SLC41A3: variants seen among roughly 807,000 people sequenced by gnomAD.
SLC41A3 encodes the protein SLC41A1-like 2.
Under a neutral mutation model 45.4 loss-of-function variants are expected in SLC41A3, and 44 were observed. The observed-to-expected ratio is 0.97, with a 90% CI of 0.76 to 1.25. The LOEUF (loss-of-function observed/expected upper bound fraction) is 1.25, where lower values mean the gene tolerates loss of function less well. SLC41A3 is among the 50% of genes most tolerant of loss of function. The probability of loss-of-function intolerance (pLI) is 0.00; values close to 1 mark genes in which losing one functional copy is unlikely to be tolerated. For synonymous variants in SLC41A3, 256 were observed against 252.4 expected, an observed-to-expected ratio of 1.01 and a Z score of -0.13; for missense variants, 550 against 600.6, an observed-to-expected ratio of 0.92 and a Z score of 0.88.
chr3:126,056,279 C>T (rs1387789857), intron 2 of SLC41A3: 3 of 1,541,158 alleles, frequency 1.9e-6, no homozygotes, highest in Non-Finnish European at 2.6e-6. Flanking sequence ...CTCATGTCTC[C>T]AGCCTGCCCT....
chr3:126,067,818 A>AG, intron 2 of SLC41A3, 129 bp downstream of exon 2: 1 of 1,051,160 alleles, frequency 9.5e-7, no homozygotes, highest in Non-Finnish European at 1.3e-6. Flanking sequence ...CCCAATATAT[A>AG]GAAAAAAAAA....
At position 126,098,177 on chromosome 3, in the gene SLC41A3, AC is replaced by A. The variant is rs1280952645; in HGVS notation, c.-79+3251del. On this transcript the variant is annotated intron_variant, in intron 1 of 9. Coordinates refer to the SLC41A3 transcript ENST00000508835. ...TGTTGAATTGCTAGCCCCCAATGTG[AC>A]TCTATGTGGAGATAGGGCTTATCAG... Among the ~76,000 whole-genome samples, 9 of 152,290 alleles carry A rather than the reference AC, an allele frequency of 5.9e-5. No individual in the cohort carries two copies. In the East Asian group the frequency reaches 1.7e-3, roughly 29 times the overall value.
chr3:126,085,586 G>A (rs1204595225), upstream of SLC41A3: 1 of 152,206 alleles, frequency 6.6e-6, no homozygotes, highest in Non-Finnish European at 1.5e-5. Context: ...CTCCTAGGAA[G>A]TTGTTGTTTA....
intron 1 of SLC41A3, among the ~76,000 whole-genome samples, chr3:126,098,686 A>G (rs942376438): frequency 2.6e-5 from 4 of 152,334 alleles, no homozygotes; most frequent in African/African-American, 9.6e-5. Flanking sequence ...ACCTTCCCTC[A>G]TGACTGTTCC....
At chr3:126,060,217 G>A (rs1486985620) in intron 2 of SLC41A3, among the ~76,000 whole-genome samples, 5 of 152,128 alleles carry the variant, frequency 3.3e-5, no homozygotes, top group Non-Finnish European at 4.4e-5. Flanking sequence ...TCGGGAGTTC[G>A]AGACCAGCCT....
chr3:126,014,697 G>A (rs371203836), intron 8 of SLC41A3, among the ~76,000 whole-genome samples: 11 of 152,250 alleles, frequency 7.2e-5, no homozygotes, highest in Non-Finnish European at 1.2e-4. Flanking sequence ...CTGTGGACAC[G>A]CAGGGGCTGC....
At chr3:126,067,320 T>C (rs1944402075) in intron 2 of SLC41A3, among the ~76,000 whole-genome samples, 1 of 152,204 alleles carries the variant, frequency 6.6e-6, no homozygotes, top group African/African-American at 2.4e-5. Context: ...AATTCGTATG[T>C]TGAAGTCCTA....
chr3:126,050,672 C>T (rs766671929), intron 3 of SLC41A3, among the ~76,000 whole-genome samples: 46 of 151,790 alleles, frequency 3.0e-4, no homozygotes, highest in Admixed American at 5.3e-4. Flanking sequence ...TGTGCAGACT[C>T]GGGGCACAAG....
At chr3:126,039,146 C>G (rs921631741) in intron 3 of SLC41A3, among the ~76,000 whole-genome samples, 7 of 152,190 alleles carry the variant, frequency 4.6e-5, no homozygotes, top group African/African-American at 9.7e-5. Flanking sequence ...CCAAATAAAC[C>G]TCTTTTCTTT....
At chr3:126,022,421 A>G (rs1940964986) in intron 6 of SLC41A3, among the ~76,000 whole-genome samples, 1 of 152,206 alleles carries the variant, frequency 6.6e-6, no homozygotes, top group Admixed American at 6.5e-5. Context: ...GTCGAGGGGC[A>G]GCATTTGGTG....
At chr3:126,097,307 A>T (rs929581731) in intron 1 of SLC41A3, among the ~76,000 whole-genome samples, 2 of 152,170 alleles carry the variant, frequency 1.3e-5, no homozygotes, top group African/African-American at 4.8e-5. Context: ...CTTAACATGC[A>T]TGCCCAGGAA....
intron 1 of SLC41A3, among the ~76,000 whole-genome samples, chr3:126,079,373 G>C (rs943204911): frequency 6.6e-6 from 1 of 151,946 alleles, no homozygotes; most frequent in Non-Finnish European, 1.5e-5. Context: ...ATATTCTGTA[G>C]GACAAAACTT....
At chr3:126,015,709 C>G in intron 7 of SLC41A3, 136 bp from the exon 8 acceptor site, 1 of 790,512 alleles carries the variant, frequency 1.3e-6, no homozygotes. Flanking sequence ...CACAAAATAT[C>G]TGCTGCGGCC....
At position 126,008,759 on chromosome 3, in the gene SLC41A3, C is replaced by G. The variant is rs143361027; in HGVS notation, c.1227G>C (p.Val409=). 7 of 1,613,932 alleles carry G rather than the reference C, an allele frequency of 4.3e-6. No homozygotes were observed. In the African/African-American group the frequency reaches 6.7e-5, roughly 15 times the overall value. ...GGATCAGGCCTGCCAGCAGGTAGAG[C>G]ACCACAAAGGTCTGGCTGTTTATGA... The part of the protein sequence containing the change: ...QSVINSQTFV[V]LYLLAGLIQV... Residue 409 remains valine (V), a synonymous_variant, in exon 10 of 11, where the codon GTG becomes GTC. Transcript: ENST00000360370.
At chr3:126,010,550 T>C (rs1939600280) in intron 9 of SLC41A3, among the ~76,000 whole-genome samples, 1 of 152,214 alleles carries the variant, frequency 6.6e-6, no homozygotes, top group Non-Finnish European at 1.5e-5. Context: ...CAGACAACTT[T>C]CAGACAATAA....
intron 4 of SLC41A3, among the ~76,000 whole-genome samples, chr3:126,031,810 T>C (rs1377582570): frequency 1.3e-5 from 2 of 152,214 alleles, no homozygotes; most frequent in African/African-American, 4.8e-5. Context: ...AGGCATTTAT[T>C]ACCTGCCCCT....
intron 9 of SLC41A3, among the ~76,000 whole-genome samples, chr3:126,011,508 A>G (rs1324613818): frequency 1.3e-5 from 2 of 152,178 alleles, no homozygotes; most frequent in Non-Finnish European, 2.9e-5. Context: ...TATCAAAAAG[A>G]AGGAGAGTGC....
chr3:126,077,947 T>C (rs1421460669), intron 1 of SLC41A3, among the ~76,000 whole-genome samples: 1 of 152,060 alleles, frequency 6.6e-6, no homozygotes, highest in African/African-American at 2.4e-5. Flanking sequence ...GCAGGAACGG[T>C]GCCCCTCATC....
intron 2 of SLC41A3, chr3:126,057,219 T>TG: frequency 2.1e-6 from 2 of 957,340 alleles, no homozygotes; most frequent in Non-Finnish European, 2.5e-6. Flanking sequence ...AGGGGGTTCA[T>TG]GGCCACAGGA....
Sources: allele counts gnomAD v4.1 joint callset (sites outside exome capture counted in the v4.1 genomes callset), GRCh38; gene constraint gnomAD v4.1.1; transcripts MANE v1.5; gene names NCBI Gene and HGNC (gene_info 2026-07-23, HGNC 2026-07-21).